KDM4B: variants seen among roughly 807,000 people sequenced by gnomAD.
The protein encoded by KDM4B is lysine-specific demethylase 4B.
In KDM4B, 32 loss-of-function variants were observed where a neutral mutation model predicts 125.2. The ratio of observed to expected loss-of-function variants is 0.26; its 90% CI spans 0.19 to 0.34. The LOEUF is 0.34. Ranked by LOEUF, KDM4B falls within the 10% of genes least tolerant of loss-of-function variation. The pLI, the probability that KDM4B is intolerant of heterozygous loss-of-function variation, is 1.00. For missense variants in KDM4B, 1,190 were observed against 1,577.7 expected, an observed-to-expected ratio of 0.75 and a Z score of 4.16; for synonymous variants, 721 against 677.9, an observed-to-expected ratio of 1.06 and a Z score of -0.99.
At chr19:4,999,273 G>T (rs2035295102) in intron 1 of KDM4B, among the ~76,000 whole-genome samples, 1 of 152,124 alleles carries the variant, frequency 6.6e-6, no homozygotes, top group Non-Finnish European at 1.5e-5. Flanking sequence ...GATTGATCTG[G>T]TTGCTCAGAT....
At chr19:5,048,506 C>G (rs911383342) in intron 6 of KDM4B, among the ~76,000 whole-genome samples, 1 of 151,970 alleles carries the variant, frequency 6.6e-6, no homozygotes, top group East Asian at 1.9e-4. Flanking sequence ...CTTCCCAGGC[C>G]GTCCTCGCGC....
intron 10 of KDM4B, among the ~76,000 whole-genome samples, chr19:5,117,704 G>A (rs528995877): frequency 1.3e-3 from 194 of 152,200 alleles, no homozygotes; most frequent in Non-Finnish European, 2.5e-3. Context: ...GGCCACTCCC[G>A]TGTCCCCCAT....
intron 9 of KDM4B, among the ~76,000 whole-genome samples, chr19:5,094,890 T>G (rs1439037862): frequency 6.6e-6 from 1 of 152,164 alleles, no homozygotes; most frequent in Admixed American, 6.5e-5. Context: ...GGCCGTGTCC[T>G]GGGCAGCGCA....
chr19:5,028,051 A>G (rs2145594861), intron 2 of KDM4B, among the ~76,000 whole-genome samples: 1 of 152,298 alleles, frequency 6.6e-6, no homozygotes, highest in African/African-American at 2.4e-5. Context: ...GTCATAGCTC[A>G]CTGCAGCCTC....
At chr19:5,136,578 G>A (rs1048976525) in intron 15 of KDM4B, among the ~76,000 whole-genome samples, 3 of 152,086 alleles carry the variant, frequency 2.0e-5, no homozygotes, top group Non-Finnish European at 2.9e-5. Flanking sequence ...AAGGGTTGCC[G>A]AGGGTCCCAG....
At chr19:5,128,810 C>T (rs2039492573) in intron 11 of KDM4B, among the ~76,000 whole-genome samples, 1 of 151,428 alleles carries the variant, frequency 6.6e-6, no homozygotes, top group East Asian at 2.0e-4. Flanking sequence ...GTGTTTACCT[C>T]CCCTGGCCAG....
chr19:5,102,850 T>C (rs563606601), intron 9 of KDM4B, among the ~76,000 whole-genome samples: 1 of 152,338 alleles, frequency 6.6e-6, no homozygotes, highest in Admixed American at 6.5e-5. Flanking sequence ...TGAAGAGCTC[T>C]TCACGTCCGG....
At chr19:5,053,833 C>T (rs564725014) in intron 6 of KDM4B, among the ~76,000 whole-genome samples, 6 of 152,380 alleles carry the variant, frequency 3.9e-5, no homozygotes, top group African/African-American at 2.4e-5. Context: ...CCCCCAGCAG[C>T]GCTCAGCACC....
intron 9 of KDM4B, among the ~76,000 whole-genome samples, chr19:5,108,854 C>T (rs571287275): frequency 1.3e-5 from 2 of 152,228 alleles, no homozygotes; most frequent in African/African-American, 2.4e-5. Flanking sequence ...TCCCTGGGCC[C>T]GCCTCTCCCC....
chr19:5,109,266 G>A (rs2039092693), intron 9 of KDM4B, among the ~76,000 whole-genome samples: 1 of 152,176 alleles, frequency 6.6e-6, no homozygotes, highest in Non-Finnish European at 1.5e-5. Flanking sequence ...TGACAGACCA[G>A]AGCTTCCTGG....
rs1478189285 is a variant in KDM4B, at chr19:4,980,808, C to T, written c.-109+11578C>T. Among the ~76,000 whole-genome samples the T allele has an allele frequency of 2.0e-5, 3 of 152,002 alleles. No homozygotes were observed. In the East Asian group the frequency reaches 5.8e-4, roughly 29 times the overall value. The stretch of plus-strand genomic sequence containing the variant: ...TTTGTTTTCCATTCATCTCAGTGGG[C>T]ATTTAAGTTGTTCTCATTTTTTCAG... On this transcript the variant is annotated intron_variant, in intron 1 of 22. Coordinates refer to ENST00000159111, the MANE Select transcript of KDM4B (RefSeq NM_015015.3).
At chr19:5,111,265 T>C in intron 10 of KDM4B, 1 of 674,496 alleles carries the variant, frequency 1.5e-6, no homozygotes, top group Non-Finnish European at 2.7e-6. Context: ...TCGGGTTCCC[T>C]GCAAGGACTC....
chr19:5,022,990 C>T (rs1434685147), intron 2 of KDM4B, among the ~76,000 whole-genome samples: 3 of 152,100 alleles, frequency 2.0e-5, no homozygotes, highest in African/African-American at 7.2e-5. Flanking sequence ...ACATCTTAAT[C>T]CCTGGAACCC....
At chr19:5,054,495 C>T (rs566493461) in intron 6 of KDM4B, among the ~76,000 whole-genome samples, 7 of 152,082 alleles carry the variant, frequency 4.6e-5, no homozygotes, top group South Asian at 2.1e-4. Context: ...TGTGTGCGCG[C>T]GCATGCACAT....
At chr19:5,050,027 G>A (rs1568258239) in intron 6 of KDM4B, among the ~76,000 whole-genome samples, 1 of 152,170 alleles carries the variant, frequency 6.6e-6, no homozygotes, top group Non-Finnish European at 1.5e-5. Context: ...GGGCCCTTGG[G>A]GTAGGTAGGG....
At chr19:5,088,774 G>A (rs1045489876) in intron 9 of KDM4B, among the ~76,000 whole-genome samples, 5 of 150,224 alleles carry the variant, frequency 3.3e-5, no homozygotes, top group Admixed American at 6.7e-5. Context: ...AGCTTCATCC[G>A]CACATCCCTT....
chr19:5,127,875 G>T (rs937208744), intron 11 of KDM4B, among the ~76,000 whole-genome samples: 3 of 152,190 alleles, frequency 2.0e-5, no homozygotes, highest in Non-Finnish European at 4.4e-5. Context: ...CTCCCAGGAG[G>T]CCCCGTTGGT....
rs367769311 is a variant in KDM4B, at chr19:5,014,477, T to C, written c.-108-1780T>C. Among the ~76,000 whole-genome samples, 7 of 152,096 alleles carry C rather than the reference T, an allele frequency of 4.6e-5. No individual in the cohort carries two copies. In the South Asian group the frequency reaches 6.2e-4, roughly 14 times the overall value. On this transcript the variant is annotated intron_variant, in intron 1 of 22. Transcript: ENST00000159111. Reference sequence around the variant, plus strand: ...ATTTTTAGTAGAGACGGGGTTTCACTGTGTTAGCCAGGATGGTCCGATCTC... The same window carrying C: ...ATTTTTAGTAGAGACGGGGTTTCACCGTGTTAGCCAGGATGGTCCGATCTC...
At chr19:5,135,615 G>A (rs1368395629) in intron 15 of KDM4B, 54 bp downstream of exon 15, 15 of 1,450,390 alleles carry the variant, frequency 1.0e-5, no homozygotes, top group Admixed American at 2.0e-5. Context: ...GGGTGTTGGT[G>A]GGGGTGCCGG....
Sources: gnomAD v4.1 joint callset for allele counts (sites outside exome capture counted in the v4.1 genomes callset) on GRCh38, gnomAD v4.1.1 for gene constraint, MANE v1.5 for transcripts, NCBI Gene and HGNC (gene_info 2026-07-23, HGNC 2026-07-21) for gene names.